Variants in POLB observed in about 807,000 individuals in gnomAD.
POLB encodes 5'-dRP lyase.
POLB carries 37 observed loss-of-function variants against 52.7 expected under a neutral mutation model. That is an observed-to-expected ratio of 0.70 (90% CI 0.54 to 0.92). The LOEUF is 0.92. Among genes scored for constraint, POLB ranks in the 40% least tolerant of loss-of-function variants. The pLI is 0.00. For missense variants in POLB, 313 were observed against 400.8 expected (o/e 0.78, Z 1.87); for synonymous variants, 138 against 131.3 (o/e 1.05, Z -0.35).
intron 3 of POLB, among the ~76,000 whole-genome samples, chr8:42,346,725 G>A (rs1822638471): frequency 6.6e-6 from 1 of 152,068 alleles, no homozygotes; most frequent in Non-Finnish European, 1.5e-5. Flanking sequence ...GCCCTTCAGA[G>A]TCATAACATT....
In POLB at chr8:42,338,591, C is replaced by T. The variant is rs1821989281; in HGVS notation, c.-34C>T. The T allele has an allele frequency of 3.1e-6, 5 of 1,603,230 alleles. No homozygotes were observed. Among genetic ancestry groups the T allele is most frequent in the Non-Finnish European group, 3.4e-6 (4 of 1,170,092 alleles). On this transcript the variant is annotated 5_prime_UTR_variant, in exon 1 of 14. Transcript: ENST00000265421. ...TGGGAGAGGGCTCTAGTCCCTGGTT[C>T]TGAACACTCTGGGGTTCTCGGGTGC...
chr8:42,367,231 T>TCC (rs1824095381), intron 11 of POLB, among the ~76,000 whole-genome samples: 1 of 152,182 alleles, frequency 6.6e-6, no homozygotes, highest in African/African-American at 2.4e-5. Flanking sequence ...GGACTGATAG[T>TCC]TAACAATGAA....
intron 2 of POLB, among the ~76,000 whole-genome samples, chr8:42,341,460 A>G (rs773462293): frequency 2.6e-5 from 4 of 152,254 alleles, no homozygotes; most frequent in Non-Finnish European, 5.9e-5. Flanking sequence ...TATTTGTGCT[A>G]TAACAGAATG....
intron 6 of POLB, 48 bp from the exon 7 acceptor site, chr8:42,355,468 C>A (rs1324140930): frequency 1.9e-6 from 2 of 1,076,468 alleles, no homozygotes; most frequent in East Asian, 2.4e-5. Context: ...ATTTTCCCCC[C>A]AAAAAGCATT....
At chr8:42,350,203 C>A in intron 5 of POLB, 138 bp downstream of exon 5, 1 of 685,930 alleles carries the variant, frequency 1.5e-6, no homozygotes, top group Non-Finnish European at 2.7e-6. Context: ...CCTTCCATAG[C>A]TTATGATCTG....
At chr8:42,369,764 TG>T (rs2130862414) in intron 12 of POLB, 84 bp from the exon 13 acceptor site, 1 of 838,788 alleles carries the variant, frequency 1.2e-6, no homozygotes. Context: ...TTTGGTATTT[TG>T]TTCCTTATTG....
At chr8:42,342,389 GT>G in intron 2 of POLB, 1 of 1,470,210 alleles carries the variant, frequency 6.8e-7, no homozygotes, top group Admixed American at 1.7e-5. Flanking sequence ...TATTTTGGCA[GT>G]TCGTGTGCAT....
intron 3 of POLB, among the ~76,000 whole-genome samples, chr8:42,347,465 CTATT>C (rs1339446050): frequency 1.4e-4 from 21 of 151,286 alleles, no homozygotes; most frequent in Non-Finnish European, 1.5e-5. Context: ...ATTATCTAAT[CTATT>C]CCTTCTTAGT....
At chr8:42,341,006 A>T (rs933006226) in intron 2 of POLB, among the ~76,000 whole-genome samples, 1 of 152,194 alleles carries the variant, frequency 6.6e-6, no homozygotes, top group Admixed American at 6.5e-5. Context: ...GCATTGAGAC[A>T]TGAAGGGTAT....
intron 2 of POLB, chr8:42,339,398 C>T: frequency 3.3e-6 from 1 of 301,606 alleles, no homozygotes; most frequent in Non-Finnish European, 6.4e-6. Context: ...ATATGTGGTT[C>T]AAGGAATCAC....
At chr8:42,362,516 T>C (rs1432673854) in intron 10 of POLB, 96 bp from the exon 11 acceptor site, 2 of 770,932 alleles carry the variant, frequency 2.6e-6, no homozygotes, top group Non-Finnish European at 4.4e-6. Context: ...GCCTGTGCAA[T>C]ATAGCAAGAC....
intron 9 of POLB, chr8:42,361,065 T>C (rs1467361819): frequency 1.5e-6 from 1 of 671,444 alleles, no homozygotes; most frequent in South Asian, 1.5e-5. Context: ...ATGCAATGTA[T>C]ATCTAATGCC....
intron 2 of POLB, among the ~76,000 whole-genome samples, chr8:42,344,123 A>G (rs1822438882): frequency 8.4e-6 from 1 of 118,462 alleles, no homozygotes; most frequent in South Asian, 3.2e-4. Flanking sequence ...AGACTGGGCG[A>G]GACTCCGTCT....
chr8:42,369,238 A>G (rs1264002589), intron 11 of POLB, 33 bp from the exon 12 acceptor site: 8 of 1,329,134 alleles, frequency 6.0e-6, no homozygotes, highest in African/African-American at 4.4e-5. Flanking sequence ...AGTTTAGAAC[A>G]TCTTTAAACT....
chr8:42,357,120 A>C (rs1823362025), intron 7 of POLB, 49 bp from the exon 8 acceptor site: 4 of 945,776 alleles, frequency 4.2e-6, no homozygotes, highest in Admixed American at 2.1e-5. Flanking sequence ...ATTTTTAAGG[A>C]GATTTAAATT....
At chr8:42,349,647 C>T (rs1822849933) in intron 4 of POLB, among the ~76,000 whole-genome samples, 1 of 152,222 alleles carries the variant, frequency 6.6e-6, no homozygotes, top group Non-Finnish European at 1.5e-5. Flanking sequence ...CTCGGCCTCC[C>T]AAAGTGCTGG....
chr8:42,338,680 T>G lies in POLB; in HGVS notation c.56T>G (p.Leu19Arg). ...CTCAACGGGGGAATCACCGACATGC[T>G]CACAGGTTAGCACCGGGCCGGGCCC... ...ETLNGGITDM[L>R]TELANFEKNV... Residue 19 changes from leucine to arginine, a missense_variant, in exon 1 of 14, where the codon CTC (leucine) becomes CGC (arginine). Leu to Arg is a moderately radical substitution (Grantham distance 102). Around this residue, in one of 3 missense-constraint regions of POLB, gnomAD observed 54 missense variants for 63.4 expected, o/e 0.85. Transcript: ENST00000265421. The G allele has an allele frequency of 1.2e-6, 2 of 1,614,052 alleles. No individual in the cohort carries two copies. Among genetic ancestry groups the G allele is most frequent in the Non-Finnish European group, 1.7e-6 (2 of 1,179,884 alleles).
At chr8:42,365,010 C>T (rs1447426702) in intron 11 of POLB, among the ~76,000 whole-genome samples, 5 of 151,740 alleles carry the variant, frequency 3.3e-5, no homozygotes, top group Non-Finnish European at 5.9e-5. Context: ...TGGCTTGAGC[C>T]CAGGAGTTCG....
At position 42,357,205 on chromosome 8, in the gene POLB, A is replaced by C. The variant is rs1711620888; in HGVS notation, c.459A>C (p.Glu153Asp). ...ACTTTGAAAAAAGAATTCCTCGTGA[A>C]GAGATGTTACAAATGCAAGTAAGAT... The part of the protein sequence containing the change: ...FGDFEKRIPR[E>D]EMLQMQDIVL... Residue 153 changes from glutamate (E) to aspartate (D), a missense_variant, in exon 8 of 14, where the codon GAA (glutamate) becomes GAC (aspartate). By Grantham distance (45) the Glu-to-Asp change is conservative (BLOSUM62 2). Around this residue, in one of 3 missense-constraint regions of POLB, gnomAD observed 246 missense variants for 297.6 expected, o/e 0.83. Coordinates refer to ENST00000265421, the MANE Select transcript of POLB (RefSeq NM_002690.3). 1.3e-6 allele frequency: 2 copies of C among 1,557,872 alleles called. No individual in the cohort carries two copies. Among genetic ancestry groups the C allele is most frequent in the Non-Finnish European group, 1.8e-6 (2 of 1,129,608 alleles).
Sources: gnomAD v4.1 joint callset for allele counts (sites outside exome capture counted in the v4.1 genomes callset) on GRCh38, gnomAD v4.1.1 for gene constraint, gnomAD v4.1.1 regional missense constraint, MANE v1.5 for transcripts, NCBI Gene and HGNC (gene_info 2026-07-23, HGNC 2026-07-21) for gene names.